The following LMBRD2 variants were observed in gnomAD, a reference collection of about 807,000 sequenced individuals.
The protein encoded by LMBRD2 is G protein-coupled receptor-associated protein LMBRD2.
A neutral mutation model predicts 94.4 loss-of-function variants in LMBRD2; 55 were observed. The observed-to-expected ratio is 0.58, with a 90% CI of 0.47 to 0.73. The LOEUF (loss-of-function observed/expected upper bound fraction) is 0.73. LMBRD2 is among the 30% of genes least tolerant of loss of function. The probability of loss-of-function intolerance (pLI) is 0.00; values close to 1 mark genes in which losing one functional copy is unlikely to be tolerated. For synonymous variants in LMBRD2, 246 were observed against 272.4 expected (o/e 0.90, Z 0.95); for missense variants, 640 against 831.9 (o/e 0.77, Z 2.84).
chr5:36,109,777 A>G (rs1743559842), intron 15 of LMBRD2, among the ~76,000 whole-genome samples, 168 bp downstream of exon 15: 1 of 152,126 alleles, frequency 6.6e-6, no homozygotes, highest in African/African-American at 2.4e-5. Context: ...CAGGATACTT[A>G]GCGTATATAC....
chr5:36,122,769 A>G, intron 8 of LMBRD2, 79 bp downstream of exon 8: 1 of 1,478,176 alleles, frequency 6.8e-7, no homozygotes, highest in African/African-American at 1.5e-5. Flanking sequence ...TTCACTAAAA[A>G]TTCCTTTTTT....
Position 36,099,790 on chromosome 5 carries a change from T to C in LMBRD2, c.*4256A>G, listed in dbSNP as rs1003297783. 6 of 152,100 alleles carry C rather than the reference T, an allele frequency of 3.9e-5. No individual in the cohort carries two copies. The highest frequency in any genetic ancestry group is 7.2e-5 in the African/African-American group (3 of 41,436). The allele number at this position is 152,100 out of a possible 1,614,324, so 9.4% of individuals were successfully genotyped here. ...TAAAAAATAAATGTCTTTTAGGATA[T>C]TGATGAGAAGAGGAACATGCCAATA... is the stretch of plus-strand genomic sequence containing the variant. On this transcript the variant is annotated 3_prime_UTR_variant, in exon 18 of 18. Coordinates refer to ENST00000296603, the MANE Select transcript of LMBRD2 (RefSeq NM_001007527.2).
At chr5:36,114,582 A>C in intron 12 of LMBRD2, 61 bp from the exon 13 acceptor site, 1 of 1,441,824 alleles carries the variant, frequency 6.9e-7, no homozygotes, top group South Asian at 1.7e-5. Context: ...ATTCCTTTCC[A>C]TCATTAGAAA....
At chr5:36,136,219 A>G in intron 6 of LMBRD2, 90 bp downstream of exon 6, 1 of 1,184,532 alleles carries the variant, frequency 8.4e-7, no homozygotes, top group Non-Finnish European at 1.3e-6. Context: ...AAGCCCATCA[A>G]TGCACTAACA....
At chr5:36,118,331 G>A (rs1464501178) in intron 9 of LMBRD2, among the ~76,000 whole-genome samples, 2 of 152,140 alleles carry the variant, frequency 1.3e-5, no homozygotes, top group East Asian at 3.8e-4. Context: ...ACAACTGAAT[G>A]CGATGCATGA....
intron 6 of LMBRD2, among the ~76,000 whole-genome samples, chr5:36,130,956 AG>A (rs1228076540): frequency 2.6e-5 from 4 of 152,184 alleles, no homozygotes; most frequent in African/African-American, 9.6e-5. Flanking sequence ...TGAAAAACAG[AG>A]GAGGAGGGAT....
intron 1 of LMBRD2, among the ~76,000 whole-genome samples, chr5:36,144,031 AACTT>A (rs1744479806): frequency 6.6e-6 from 1 of 152,064 alleles, no homozygotes; most frequent in Admixed American, 6.5e-5. Context: ...TAAATCTTTA[AACTT>A]ACTTTGATAA....
At chr5:36,147,846 C>T in intron 1 of LMBRD2, 1 of 419,968 alleles carries the variant, frequency 2.4e-6, no homozygotes, top group East Asian at 1.0e-4. Flanking sequence ...AAACAAAACA[C>T]TGACAACAAT....
rs1234203141 is a variant in LMBRD2 at position 36,103,935 on chromosome 5, A to T, written c.*111T>A. 45 of 701,790 alleles carry T rather than the reference A, an allele frequency of 6.4e-5. No individual in the cohort carries two copies. The highest frequency in any genetic ancestry group is 1.0e-4 in the Admixed American group (4 of 38,896). 43.5% of individuals were successfully genotyped at this position (701,790 alleles called of 1,614,324 possible). On this transcript the variant is annotated 3_prime_UTR_variant, in exon 18 of 18. Coordinates refer to ENST00000296603, the MANE Select transcript of LMBRD2 (RefSeq NM_001007527.2). ...ATTAATTCTCAGTGCCTTTTTTGTTATCTTGACACTTTTCACTGTGTATAG... is the reference window on the plus strand; with the variant it reads ...ATTAATTCTCAGTGCCTTTTTTGTTTTCTTGACACTTTTCACTGTGTATAG...
intron 2 of LMBRD2, 95 bp downstream of exon 2, chr5:36,143,081 C>T (rs574030850): frequency 1.5e-5 from 13 of 861,932 alleles, no homozygotes; most frequent in Non-Finnish European, 2.3e-5. Context: ...TCAAAACTGA[C>T]ATAACTTAGC....
chr5:36,139,035 C>T (rs1049383092), intron 4 of LMBRD2, among the ~76,000 whole-genome samples: 6 of 152,154 alleles, frequency 3.9e-5, no homozygotes, highest in East Asian at 1.9e-4. Context: ...CACCCCCTTC[C>T]GAGTTGGCGG....
rs40029 is a variant in LMBRD2, at chr5:36,111,352, A to G, written c.1641-94T>C. 3.7e-3 allele frequency: 3,050 copies of G among 829,788 alleles called. 70 individuals carry two copies. The African/African-American group carries it at 0.047, about 13-fold the overall frequency. 51.4% of individuals were successfully genotyped at this position (829,788 alleles called of 1,614,324 possible). A position where few individuals can be genotyped will look rare whatever the true frequency, so the allele number is the denominator to read the frequency against. ...TTTAGCATTGTCACTCCAAAAGAAG[A>G]CTATGCTTCATTATCTGTTATCATA... On this transcript the variant is annotated intron_variant, in intron 13 of 17. Coordinates refer to ENST00000296603, the MANE Select transcript of LMBRD2 (RefSeq NM_001007527.2).
chr5:36,105,001 GT>G, intron 17 of LMBRD2, 66 bp downstream of exon 17: 1 of 1,437,932 alleles, frequency 7.0e-7, no homozygotes, highest in Non-Finnish European at 9.5e-7. Context: ...TTTCAATCTT[GT>G]CAAGTCAATG....
chr5:36,122,571 G>A, intron 8 of LMBRD2, 108 bp from the exon 9 acceptor site: 1 of 975,246 alleles, frequency 1.0e-6, no homozygotes, highest in Non-Finnish European at 1.5e-6. Context: ...AAGTGCTAGG[G>A]CATTTACTGG....
At chr5:36,105,640 G>C (rs1743448487) in intron 16 of LMBRD2, among the ~76,000 whole-genome samples, 1 of 152,188 alleles carries the variant, frequency 6.6e-6, no homozygotes, top group African/African-American at 2.4e-5. Context: ...AGTATGGGTA[G>C]CACTAGCCAA....
At chr5:36,137,901 CG>C (rs1744308928) in intron 4 of LMBRD2, among the ~76,000 whole-genome samples, 1 of 152,052 alleles carries the variant, frequency 6.6e-6, no homozygotes, top group Admixed American at 6.5e-5. Context: ...TTCAGGAGAG[CG>C]GACTAAAAAT....
chr5:36,144,617 G>A (rs36064347), intron 1 of LMBRD2, among the ~76,000 whole-genome samples: 45,765 of 152,048 alleles, frequency 0.3, 8,586 homozygotes, highest in Non-Finnish European at 0.42. Flanking sequence ...CTGGAAGGCA[G>A]AGGTTGCAGT....
chr5:36,106,989 T>C (rs946962372), intron 16 of LMBRD2, among the ~76,000 whole-genome samples: 16 of 152,140 alleles, frequency 1.1e-4, no homozygotes, highest in African/African-American at 3.9e-4. Flanking sequence ...GTACTATTCC[T>C]TCTTAAATAC....
Position 36,136,420 on chromosome 5 carries a change from T to G in LMBRD2, c.636A>C (p.Ser212=), listed in dbSNP as rs776282385. 36 of 1,613,928 alleles carry G rather than the reference T, an allele frequency of 2.2e-5. No homozygotes were observed. The highest frequency in any genetic ancestry group is 8.5e-7 in the Non-Finnish European group (1 of 1,179,920). The stretch of plus-strand genomic sequence containing the variant: ...AACCCCTTTTTGCTCCATTCCAGTA[T>G]GATCGAGGAATTTCCACCAAGCCAT... ...LGYGLVEIPR[S]YWNGAKRGYL... The change falls in exon 6 of 18, where the codon TCA becomes TCC. Residue 212 remains serine, a synonymous_variant. Transcript: ENST00000296603.
Sources: gnomAD v4.1 joint callset for allele counts (sites outside exome capture counted in the v4.1 genomes callset) on GRCh38, gnomAD v4.1.1 for gene constraint, MANE v1.5 for transcripts, NCBI Gene and HGNC (gene_info 2026-07-23, HGNC 2026-07-21) for gene names.